Variants in SEC24B observed in about 807,000 individuals in gnomAD.
The protein encoded by SEC24B is protein transport protein Sec24B.
Under a neutral mutation model 142.8 loss-of-function variants are expected in SEC24B, and 45 were observed. The observed-to-expected ratio is 0.32, with a 90% CI of 0.25 to 0.40. SEC24B has a LOEUF of 0.40. Ranked by LOEUF, SEC24B falls within the 10% of genes least tolerant of loss-of-function variation. SEC24B has a pLI of 1.00. For missense variants in SEC24B, 1,409 were observed against 1,526.8 expected, an observed-to-expected ratio of 0.92 and a Z score of 1.29; for synonymous variants, 574 against 568.2, an observed-to-expected ratio of 1.01 and a Z score of -0.15.
intron 7 of SEC24B, among the ~76,000 whole-genome samples, chr4:109,508,671 G>A (rs983457203): frequency 4.6e-5 from 7 of 152,144 alleles, no homozygotes; most frequent in African/African-American, 1.4e-4. Context: ...TGTGTTTTGC[G>A]AAAATGTCTC....
At chr4:109,487,224 A>G (rs913171570) in intron 4 of SEC24B, among the ~76,000 whole-genome samples, 7 of 151,996 alleles carry the variant, frequency 4.6e-5, no homozygotes, top group Non-Finnish European at 1.0e-4. Flanking sequence ...GTGCTCCTGC[A>G]TAGAAGAGGA....
chr4:109,510,171 T>A lies in SEC24B; in HGVS notation c.1776+60T>A. 6 of 791,266 alleles carry A rather than the reference T, an allele frequency of 7.6e-6. No individual in the cohort carries two copies. The South Asian group carries it at 1.4e-4, about 18-fold the overall frequency. The allele number at this position is 791,266 out of a possible 1,614,324, so 49.0% of individuals were successfully genotyped here. The stretch of plus-strand genomic sequence containing the variant: ...ACATGTATGCTTATGTACAAGGTAC[T>A]TAAATTTTATATTTTCTTAGAATTT... On this transcript the variant is annotated intron_variant, in intron 8 of 23. Transcript: ENST00000265175.
At chr4:109,456,334 G>GTTTTTT (rs70949081) in intron 1 of SEC24B, among the ~76,000 whole-genome samples, 4 of 94,148 alleles carry the variant, frequency 4.2e-5, no homozygotes, top group East Asian at 3.1e-4. Flanking sequence ...GGTTTTTTTT[G>GTTTTTT]TTTTTTTTTT....
chr4:109,520,916 C>T (rs1016255194), intron 12 of SEC24B, among the ~76,000 whole-genome samples: 8 of 152,060 alleles, frequency 5.3e-5, no homozygotes, highest in Non-Finnish European at 8.8e-5. Flanking sequence ...CGCTTGAACC[C>T]GGGAGGTGGA....
chr4:109,434,281 AC>A (rs1307575665), intron 1 of SEC24B, among the ~76,000 whole-genome samples: 1 of 151,860 alleles, frequency 6.6e-6, no homozygotes, highest in African/African-American at 2.4e-5. Flanking sequence ...ATGTAATGCG[AC>A]CCCAGGCCCG....
chr4:109,509,355 T>C (rs1263824322), intron 7 of SEC24B, among the ~76,000 whole-genome samples: 2 of 152,198 alleles, frequency 1.3e-5, no homozygotes, highest in Non-Finnish European at 2.9e-5. Context: ...CTTTATTCAT[T>C]CTTTGTTTAT....
intron 4 of SEC24B, chr4:109,488,636 A>G (rs1452292837): frequency 6.4e-6 from 1 of 157,246 alleles, no homozygotes; most frequent in Non-Finnish European, 1.5e-5. Flanking sequence ...TTGCTGGGTC[A>G]GAACTCTGTA....
chr4:109,484,181 C>T (rs924714796), intron 4 of SEC24B, among the ~76,000 whole-genome samples: 1 of 152,314 alleles, frequency 6.6e-6, no homozygotes, highest in African/African-American at 2.4e-5. Context: ...CCTTTAGTCT[C>T]CAACAGTTCA....
At chr4:109,460,104 C>A (rs183586853) in intron 1 of SEC24B, among the ~76,000 whole-genome samples, 27 of 152,054 alleles carry the variant, frequency 1.8e-4, no homozygotes, top group Non-Finnish European at 1.9e-4. Context: ...TTTCTGTATA[C>A]TTCTTGGAAT....
chr4:109,531,323 G>T, intron 19 of SEC24B, 62 bp from the exon 20 acceptor site: 1 of 1,389,040 alleles, frequency 7.2e-7, no homozygotes, highest in Non-Finnish European at 1.0e-6. Context: ...GTGTATATTT[G>T]TTTTAATATT....
At chr4:109,460,854 TAA>T (rs1731184506) in intron 1 of SEC24B, among the ~76,000 whole-genome samples, 1 of 151,624 alleles carries the variant, frequency 6.6e-6, no homozygotes, top group Admixed American at 6.6e-5. Context: ...CAAAGATATA[TAA>T]AGATGAAAGT....
chr4:109,448,828 T>G (rs1007638570), intron 1 of SEC24B, among the ~76,000 whole-genome samples: 18 of 152,368 alleles, frequency 1.2e-4, no homozygotes, highest in African/African-American at 4.3e-4. Context: ...CACCAGTTTT[T>G]ACATGAATGT....
chr4:109,528,392 CTG>C (rs1310729071), intron 18 of SEC24B, among the ~76,000 whole-genome samples: 1 of 148,904 alleles, frequency 6.7e-6, no homozygotes, highest in Non-Finnish European at 1.5e-5. Flanking sequence ...GGTCTCGCCA[CTG>C]TACTCCTGCC....
intron 3 of SEC24B, among the ~76,000 whole-genome samples, chr4:109,473,433 T>C (rs549894208): frequency 1.5e-4 from 23 of 152,330 alleles, no homozygotes; most frequent in African/African-American, 5.1e-4. Context: ...ATTGTGTCAA[T>C]GTATAATGGT....
chr4:109,451,051 A>G (rs1475530468), intron 1 of SEC24B: 1 of 151,928 alleles, frequency 6.6e-6, no homozygotes, highest in African/African-American at 2.4e-5. Context: ...GATTACAAAT[A>G]TTTGCCACAG....
intron 7 of SEC24B, among the ~76,000 whole-genome samples, chr4:109,507,178 C>T (rs1736775999): frequency 6.6e-6 from 1 of 152,084 alleles, no homozygotes; most frequent in African/African-American, 2.4e-5. Context: ...GGATATCCCC[C>T]TGGTCCTAGT....
At chr4:109,526,175 A>C in intron 16 of SEC24B, 51 bp from the exon 17 acceptor site, 1 of 1,525,282 alleles carries the variant, frequency 6.6e-7, no homozygotes, top group Non-Finnish European at 9.0e-7. Flanking sequence ...CTTTAGCTTG[A>C]GGTGAAGATA....
intron 3 of SEC24B, among the ~76,000 whole-genome samples, chr4:109,481,342 G>A (rs1020961951): frequency 6.6e-6 from 1 of 151,940 alleles, no homozygotes; most frequent in Non-Finnish European, 1.5e-5. Context: ...TATACCACAG[G>A]GCCATAAGGT....
At chr4:109,472,886 A>G (rs1217556488) in intron 2 of SEC24B, 118 bp from the exon 3 acceptor site, 1 of 319,796 alleles carries the variant, frequency 3.1e-6, no homozygotes, top group Non-Finnish European at 5.2e-6. Context: ...TTAGTGATAT[A>G]TATTATTATA....
Sources: gnomAD v4.1 joint callset for allele counts (sites outside exome capture counted in the v4.1 genomes callset) on GRCh38, gnomAD v4.1.1 for gene constraint, MANE v1.5 for transcripts, NCBI Gene and HGNC (gene_info 2026-07-23, HGNC 2026-07-21) for gene names.